MBD5: variants seen among roughly 807,000 people sequenced by gnomAD.
The protein encoded by MBD5 is methyl-CpG binding domain protein 5.
MBD5 carries 13 observed loss-of-function variants against 117.3 expected under a neutral mutation model. The observed-to-expected ratio is 0.11, with a 90% confidence interval of 0.07 to 0.18. The LOEUF is 0.18. Among genes scored for constraint, MBD5 ranks in the 10% least tolerant of loss-of-function variants. The pLI is 1.00. For missense variants in MBD5, 1,879 were observed against 2,093.8 expected (o/e 0.90, Z 2.00); for synonymous variants, 727 against 766.4 (o/e 0.95, Z 0.85).
intron 2 of MBD5, among the ~76,000 whole-genome samples, chr2:148,211,913 T>G (rs1026351290): frequency 6.6e-6 from 1 of 151,952 alleles, no homozygotes; most frequent in African/African-American, 2.4e-5. Flanking sequence ...CCCAGCTAAT[T>G]TTTTTCTGTA....
chr2:148,270,652 G>A (rs938401258), intron 3 of MBD5, among the ~76,000 whole-genome samples: 2 of 152,114 alleles, frequency 1.3e-5, no homozygotes, highest in African/African-American at 2.4e-5. Context: ...GCCTTTCAAA[G>A]TGCTGGCATT....
chr2:148,043,292 T>A (rs967332734), intron 1 of MBD5, among the ~76,000 whole-genome samples: 116 of 149,910 alleles, frequency 7.7e-4, no homozygotes, highest in Non-Finnish European at 1.5e-3. Context: ...AAAAAATAAA[T>A]AAATAAATAA....
At position 148,246,763 on chromosome 2, in the gene MBD5, CA is replaced by C. The variant is rs71406014; in HGVS notation, c.-680+13392del. ...TGGGTGACAGAGTGAGACTCCATCTCAAAAAAAAAAAAAAAAAAAAAAAATT... is the reference window on the plus strand; with the variant it reads ...TGGGTGACAGAGTGAGACTCCATCTCAAAAAAAAAAAAAAAAAAAAAAATT... On this transcript the variant is annotated intron_variant, in intron 3 of 13. Coordinates refer to ENST00000642680, the MANE Select transcript of MBD5 (RefSeq NM_001378120.1). Among the ~76,000 whole-genome samples the C allele has an allele frequency of 4.4e-3, 306 of 70,112 alleles. 1 individual carries two copies. The highest frequency in any genetic ancestry group is 0.016 in the African/African-American group (270 of 16,740). The allele number at this position is 70,112 out of a possible 152,430, so 46.0% of individuals were successfully genotyped here.
At chr2:148,337,264 C>T (rs1188244076) in intron 3 of MBD5, among the ~76,000 whole-genome samples, 1 of 151,870 alleles carries the variant, frequency 6.6e-6, no homozygotes, top group Non-Finnish European at 1.5e-5. Flanking sequence ...TTTAGTGGTA[C>T]TCTAGGTTTT....
chr2:148,434,709 G>A (rs1040218263), intron 4 of MBD5, among the ~76,000 whole-genome samples: 2 of 152,104 alleles, frequency 1.3e-5, no homozygotes, highest in Non-Finnish European at 2.9e-5. Context: ...GTCATGTGGC[G>A]ATGAGAAAAA....
At chr2:148,062,726 T>G (rs1338609358) in intron 1 of MBD5, 2 of 152,232 alleles carry the variant, frequency 1.3e-5, no homozygotes, top group South Asian at 2.1e-4. Flanking sequence ...CTTTGGATGT[T>G]ATTTCTCTTT....
At chr2:148,283,798 GA>G (rs1478263171) in intron 3 of MBD5, among the ~76,000 whole-genome samples, 1 of 152,058 alleles carries the variant, frequency 6.6e-6, no homozygotes, top group Non-Finnish European at 1.5e-5. Context: ...TGGGAGCCCA[GA>G]AAAAAAGTTA....
intron 1 of MBD5, among the ~76,000 whole-genome samples, chr2:148,060,013 C>T (rs113062318): frequency 0.053 from 7,986 of 151,016 alleles, 241 homozygotes; most frequent in African/African-American, 0.079. Flanking sequence ...GAGGCAGGCA[C>T]GGTGGCTTAT....
intron 4 of MBD5, among the ~76,000 whole-genome samples, chr2:148,384,851 A>C (rs1397520723): frequency 7.2e-5 from 11 of 151,856 alleles, no homozygotes; most frequent in African/African-American, 2.4e-4. Context: ...GAGAAAAACA[A>C]GCAATGGGGA....
At chr2:148,298,010 G>T (rs1447143004) in intron 3 of MBD5, among the ~76,000 whole-genome samples, 3 of 152,198 alleles carry the variant, frequency 2.0e-5, no homozygotes, top group Non-Finnish European at 2.9e-5. Flanking sequence ...TCATGCAGTG[G>T]CAAACCTGTT....
At chr2:148,069,751 GCA>G (rs1373797921) in intron 1 of MBD5, among the ~76,000 whole-genome samples, 1 of 152,038 alleles carries the variant, frequency 6.6e-6, no homozygotes, top group Non-Finnish European at 1.5e-5. Context: ...CATTGGCATA[GCA>G]CTCTACTTTG....
chr2:148,393,373 A>G (rs1391466386), intron 4 of MBD5: 3 of 152,178 alleles, frequency 2.0e-5, no homozygotes, highest in African/African-American at 7.2e-5. Flanking sequence ...GTCTGAAATT[A>G]AGGAAAGTAA....
intron 2 of MBD5, among the ~76,000 whole-genome samples, chr2:148,224,979 G>C (rs1262888535): frequency 1.3e-5 from 2 of 151,952 alleles, no homozygotes; most frequent in African/African-American, 4.8e-5. Flanking sequence ...ATTTCTCATA[G>C]GCAACAGATC....
At chr2:148,356,329 T>G (rs1251846404) in intron 4 of MBD5, among the ~76,000 whole-genome samples, 1 of 152,178 alleles carries the variant, frequency 6.6e-6, no homozygotes, top group Non-Finnish European at 1.5e-5. Flanking sequence ...TTCCCATGCC[T>G]GGAATTTTTG....
chr2:148,478,140 T>A (rs1323281196), intron 8 of MBD5, among the ~76,000 whole-genome samples: 1 of 152,178 alleles, frequency 6.6e-6, no homozygotes, highest in Non-Finnish European at 1.5e-5. Context: ...TTTTGAAAAG[T>A]AGTTTTAAAA....
Position 148,468,984 on chromosome 2 carries a change from G to T in MBD5, c.1041G>T (p.Gln347His), listed in dbSNP as rs746751148. The change falls in exon 8 of 14, where the codon CAG becomes CAT. Residue 347 changes from glutamine to histidine, a missense_variant. Gln to His is a conservative substitution (Grantham distance 24). Transcript: ENST00000642680. ...PPPPPPSCAL[Q>H]KKPLTSEKDP... ...CTCCTCCACCTTCTTGTGCTCTTCA[G>T]AAAAAGCCATTAACATCTGAGAAAG... 22 of 1,613,320 alleles carry T rather than the reference G, an allele frequency of 1.4e-5. No homozygotes were observed. The highest frequency in any genetic ancestry group is 1.8e-5 in the Non-Finnish European group (21 of 1,179,856).
At chr2:148,510,035 G>T (rs1033151034) in intron 12 of MBD5, 25 bp from the exon 13 acceptor site, 2 of 1,515,230 alleles carry the variant, frequency 1.3e-6, no homozygotes, top group Admixed American at 3.3e-5. Context: ...TTTTTAATCT[G>T]GTGTGTTGTT....
At chr2:148,386,995 T>C (rs1704392792) in intron 4 of MBD5, among the ~76,000 whole-genome samples, 1 of 152,194 alleles carries the variant, frequency 6.6e-6, no homozygotes, top group Non-Finnish European at 1.5e-5. Context: ...TGAAGGTCAT[T>C]TCAAACTTAT....
At chr2:148,263,943 A>G (rs1354876227) in intron 3 of MBD5, among the ~76,000 whole-genome samples, 2 of 152,194 alleles carry the variant, frequency 1.3e-5, no homozygotes, top group Non-Finnish European at 2.9e-5. Flanking sequence ...TACTCCAGCA[A>G]CCTATGTATA....
Sources: gnomAD v4.1 joint callset for allele counts (sites outside exome capture counted in the v4.1 genomes callset) on GRCh38, gnomAD v4.1.1 for gene constraint, MANE v1.5 for transcripts, NCBI Gene and HGNC (gene_info 2026-07-23, HGNC 2026-07-21) for gene names.